CDH18: variants seen among roughly 807,000 people sequenced by gnomAD.
The protein encoded by CDH18 is cadherin-18.
Under a neutral mutation model 67.9 loss-of-function variants are expected in CDH18, and 31 were observed. That is an observed-to-expected ratio of 0.46 (90% CI 0.34 to 0.62). The LOEUF (loss-of-function observed/expected upper bound fraction) is 0.62. Ranked by LOEUF, CDH18 falls within the 20% of genes least tolerant of loss-of-function variation. The pLI, the probability that CDH18 is intolerant of heterozygous loss-of-function variation, is 0.01. For synonymous variants in CDH18, 362 were observed against 347.2 expected (o/e 1.04, Z -0.48); for missense variants, 890 against 975.5 (o/e 0.91, Z 1.17).
chr5:19,741,194 A>C (rs1358096526), intron 4 of CDH18, among the ~76,000 whole-genome samples: 2 of 149,392 alleles, frequency 1.3e-5, no homozygotes, highest in East Asian at 2.0e-4. Context: ...ATCTATGTAT[A>C]TATGTATATA....
At chr5:20,293,731 T>A (rs527700944) in intron 1 of CDH18, among the ~76,000 whole-genome samples, 1 of 152,352 alleles carries the variant, frequency 6.6e-6, no homozygotes, top group South Asian at 2.1e-4. Context: ...CTTTTTGGCA[T>A]AACCGATGCT....
intron 1 of CDH18, among the ~76,000 whole-genome samples, chr5:20,502,487 T>C (rs900006805): frequency 6.6e-6 from 1 of 152,182 alleles, no homozygotes; most frequent in African/African-American, 2.4e-5. Context: ...TCAGTTCTAA[T>C]GGGTAGGTTA....
At chr5:20,174,225 T>A (rs1169610230) in intron 2 of CDH18, among the ~76,000 whole-genome samples, 1 of 152,202 alleles carries the variant, frequency 6.6e-6, no homozygotes, top group African/African-American at 2.4e-5. Context: ...TTATTAAGTG[T>A]TTTAATTTTA....
At chr5:19,491,545 T>C (rs1741464997) in intron 11 of CDH18, among the ~76,000 whole-genome samples, 2 of 152,190 alleles carry the variant, frequency 1.3e-5, no homozygotes, top group South Asian at 4.1e-4. Flanking sequence ...TCAAACTACA[T>C]ACCTGCATTT....
chr5:19,862,970 G>C (rs972590496), intron 2 of CDH18, among the ~76,000 whole-genome samples: 2 of 152,010 alleles, frequency 1.3e-5, no homozygotes, highest in South Asian at 4.2e-4. Flanking sequence ...CACAGGCAGA[G>C]AGAAAGCAAG....
At chr5:19,898,516 G>A (rs1789585799) in intron 2 of CDH18, among the ~76,000 whole-genome samples, 1 of 151,844 alleles carries the variant, frequency 6.6e-6, no homozygotes, top group South Asian at 2.1e-4. Context: ...ATTTAGCAGA[G>A]GGGATTACTA....
rs900213093 is a variant in CDH18, at chr5:20,472,220, C to T, written c.-580+103242G>A. On this transcript the variant is annotated intron_variant, in intron 1 of 14. Transcript: ENST00000507958. ...TGTTAAATTTCATGGACATGAGGTTCAAGAGGTCTGGGTTTATGAAGTTTT... is the reference window on the plus strand; with the variant it reads ...TGTTAAATTTCATGGACATGAGGTTTAAGAGGTCTGGGTTTATGAAGTTTT... 8.5e-5 allele frequency among the ~76,000 whole-genome samples: 13 copies of T among 152,226 alleles called. No homozygotes were observed. The East Asian group carries it at 2.5e-3, about 29-fold the overall frequency.
At chr5:19,601,491 A>G (rs1747112285) in intron 6 of CDH18, among the ~76,000 whole-genome samples, 1 of 152,178 alleles carries the variant, frequency 6.6e-6, no homozygotes. Flanking sequence ...AAAGCCCTGC[A>G]ACAGATGGCT....
intron 1 of CDH18, among the ~76,000 whole-genome samples, chr5:20,411,790 T>C (rs1746800799): frequency 1.9e-5 from 2 of 105,518 alleles, no homozygotes; most frequent in African/African-American, 5.7e-5. Context: ...AATAGCCCCC[T>C]GCCCACAAAA....
intron 10 of CDH18, among the ~76,000 whole-genome samples, chr5:19,509,423 G>T (rs887131693): frequency 2.6e-5 from 4 of 152,068 alleles, no homozygotes; most frequent in Admixed American, 2.6e-4. Context: ...AAATGCCCAT[G>T]TAACCTCTCG....
chr5:19,844,182 G>C (rs1782664816), intron 2 of CDH18, among the ~76,000 whole-genome samples: 1 of 152,098 alleles, frequency 6.6e-6, no homozygotes. Flanking sequence ...AAAAAGACAA[G>C]ATTTGCAAGG....
chr5:19,514,410 G>T (rs375415094), intron 10 of CDH18, among the ~76,000 whole-genome samples: 1 of 152,160 alleles, frequency 6.6e-6, no homozygotes, highest in Non-Finnish European at 1.5e-5. Flanking sequence ...AGATCCTTGA[G>T]GAATCTCCAC....
In CDH18 at chr5:20,136,511, C is replaced by A. The variant is rs186464865; in HGVS notation, c.-518+118933G>T. 3.3e-5 allele frequency among the ~76,000 whole-genome samples: 5 copies of A among 152,266 alleles called. No homozygotes were observed. In the East Asian group the frequency reaches 5.8e-4, roughly 18 times the overall value. ...GCATGTGAGATGGGTCTCCTGAATA[C>A]AACACACTGATTGGACTTGACTCTT... On this transcript the variant is annotated intron_variant, in intron 2 of 14. Coordinates refer to the CDH18 transcript ENST00000507958.
At position 20,306,369 on chromosome 5, in the gene CDH18, A is replaced by G. The variant is rs777236658; in HGVS notation, c.-579-50864T>C. 7.5e-4 allele frequency among the ~76,000 whole-genome samples: 113 copies of G among 150,050 alleles called. 1 individual carries two copies. Among genetic ancestry groups the G allele is most frequent in the Non-Finnish European group, 1.9e-4 (13 of 68,012 alleles). On this transcript the variant is annotated intron_variant, in intron 1 of 14. Transcript: ENST00000507958. The stretch of plus-strand genomic sequence containing the variant: ...CATTAATGTTGTTAATATTATTGCT[A>G]AGAATATTCTTTAGAAATTGCTTAG...
At chr5:19,720,941 T>C (rs918188790) in intron 5 of CDH18, among the ~76,000 whole-genome samples, 3 of 152,158 alleles carry the variant, frequency 2.0e-5, no homozygotes, top group Non-Finnish European at 4.4e-5. Context: ...AAAATCAATG[T>C]AGGAAAATTT....
At chr5:20,352,172 A>G (rs1382826044) in intron 1 of CDH18, among the ~76,000 whole-genome samples, 1 of 152,058 alleles carries the variant, frequency 6.6e-6, no homozygotes, top group Non-Finnish European at 1.5e-5. Flanking sequence ...TGCTTCTGCA[A>G]CTCTGAGACA....
At chr5:20,546,479 C>T (rs1339347188) in intron 1 of CDH18, among the ~76,000 whole-genome samples, 1 of 151,988 alleles carries the variant, frequency 6.6e-6, no homozygotes, top group Non-Finnish European at 1.5e-5. Flanking sequence ...GGATGGGAGG[C>T]CTCAGGAAAT....
chr5:20,168,710 C>T (rs957040323), intron 2 of CDH18, among the ~76,000 whole-genome samples: 1 of 152,056 alleles, frequency 6.6e-6, no homozygotes, highest in African/African-American at 2.4e-5. Context: ...TTTAAAGACA[C>T]TTACAATAGC....
intron 10 of CDH18, among the ~76,000 whole-genome samples, chr5:19,519,930 C>A (rs1746623489): frequency 6.6e-6 from 1 of 152,180 alleles, no homozygotes; most frequent in African/African-American, 2.4e-5. Flanking sequence ...TCTTGCGAGA[C>A]TCTTGCAAAG....
Sources: gnomAD v4.1 joint callset for allele counts (sites outside exome capture counted in the v4.1 genomes callset) on GRCh38, gnomAD v4.1.1 for gene constraint, MANE v1.5 for transcripts, NCBI Gene and HGNC (gene_info 2026-07-23, HGNC 2026-07-21) for gene names.